Variants in RARB observed in about 807,000 individuals in gnomAD.
RARB encodes HBV-activated protein.
RARB carries 17 observed loss-of-function variants against 51.9 expected under a neutral mutation model. That is an observed-to-expected ratio of 0.33 (90% CI 0.22 to 0.49). The LOEUF (loss-of-function observed/expected upper bound fraction) is 0.49. Among genes scored for constraint, RARB ranks in the 20% least tolerant of loss-of-function variants. The probability of loss-of-function intolerance (pLI) is 0.99; values close to 1 mark genes in which losing one functional copy is unlikely to be tolerated. For missense variants in RARB, 369 were observed against 550.8 expected (o/e 0.67, Z 3.30); for synonymous variants, 215 against 195.4 (o/e 1.10, Z -0.84).
intron 4 of RARB, among the ~76,000 whole-genome samples, chr3:25,170,344 C>A (rs1700623597): frequency 1.3e-5 from 2 of 152,130 alleles, no homozygotes; most frequent in Admixed American, 6.5e-5. Context: ...ACGTCTAGAG[C>A]TGTGGCTCTC....
In RARB at chr3:25,468,868, G is replaced by A. The variant is rs369498121; in HGVS notation, c.306+7527G>A. ...TCTCTACATTTTGCCTTTGATGGGT[G>A]GAAACTTCCTATCCCTAAGCCAACC... On this transcript the variant is annotated intron_variant, in intron 2 of 7. Coordinates refer to ENST00000330688, the MANE Select transcript of RARB (RefSeq NM_000965.5). Among the ~76,000 whole-genome samples the A allele has an allele frequency of 1.4e-4, 21 of 152,296 alleles. 2 individuals are homozygous for A. In the South Asian group the frequency reaches 2.9e-3, roughly 21 times the overall value.
intron 4 of RARB, among the ~76,000 whole-genome samples, chr3:25,160,173 T>A (rs969102360): frequency 6.6e-6 from 1 of 152,224 alleles, no homozygotes; most frequent in African/African-American, 2.4e-5. Flanking sequence ...TCATATATTA[T>A]CTCTAGGCTC....
intron 5 of RARB, among the ~76,000 whole-genome samples, chr3:25,263,355 A>G (rs1330321982): frequency 6.6e-6 from 1 of 152,172 alleles, no homozygotes; most frequent in Non-Finnish European, 1.5e-5. Context: ...GGCATCGGGC[A>G]TTAAATAACT....
chr3:24,865,948 G>A lies in RARB; in HGVS notation c.-380+7196G>A, dbSNP rs544522483. On this transcript the variant is annotated intron_variant, in intron 2 of 11. Coordinates refer to the RARB transcript ENST00000383772. ...ATATAACGACATTTGGCCTGAATGTGCCACACAAATATTAAGTTGACCTCT... is the reference window on the plus strand; with the variant it reads ...ATATAACGACATTTGGCCTGAATGTACCACACAAATATTAAGTTGACCTCT... Among the ~76,000 whole-genome samples, 19 of 152,134 alleles carry A rather than the reference G, an allele frequency of 1.2e-4. No individual in the cohort carries two copies. The South Asian group carries it at 3.3e-3, about 27-fold the overall frequency.
intron 5 of RARB, among the ~76,000 whole-genome samples, chr3:25,405,266 C>T (rs924037997): frequency 6.6e-6 from 1 of 152,144 alleles, no homozygotes; most frequent in Non-Finnish European, 1.5e-5. Context: ...TGGCTGTAAT[C>T]CCAGCACTTT....
intron 3 of RARB, among the ~76,000 whole-genome samples, chr3:25,547,282 A>G (rs1169145986): frequency 6.6e-6 from 1 of 152,200 alleles, no homozygotes; most frequent in African/African-American, 2.4e-5. Flanking sequence ...AGGTAGAGAA[A>G]GAGGCCAGGA....
chr3:24,934,172 G>T (rs1695501224), intron 2 of RARB, among the ~76,000 whole-genome samples: 1 of 152,068 alleles, frequency 6.6e-6, no homozygotes, highest in Admixed American at 6.6e-5. Context: ...TGTGTCCTTG[G>T]TCCTAGCTAG....
chr3:25,304,275 C>G (rs957755468), intron 5 of RARB, among the ~76,000 whole-genome samples: 4 of 152,166 alleles, frequency 2.6e-5, no homozygotes, highest in African/African-American at 9.7e-5. Context: ...CTGCTAATCT[C>G]CTCTTTCTTT....
At chr3:25,332,686 C>T (rs543237931) in intron 5 of RARB, among the ~76,000 whole-genome samples, 2 of 152,208 alleles carry the variant, frequency 1.3e-5, no homozygotes, top group South Asian at 2.1e-4. Context: ...GGCAATCAGG[C>T]AGGAGAAAGA....
chr3:25,007,093 T>C (rs1451742217), intron 2 of RARB, among the ~76,000 whole-genome samples: 6 of 152,210 alleles, frequency 3.9e-5, no homozygotes, highest in African/African-American at 1.2e-4. Flanking sequence ...TGATTTATGC[T>C]TCAGACTTTT....
At chr3:25,555,321 A>T (rs1700013283) in intron 3 of RARB, among the ~76,000 whole-genome samples, 1 of 152,194 alleles carries the variant, frequency 6.6e-6, no homozygotes, top group Non-Finnish European at 1.5e-5. Flanking sequence ...CACACTTCAC[A>T]GTACAATGTC....
chr3:25,262,194 C>A (rs1251557422), intron 5 of RARB, among the ~76,000 whole-genome samples: 1 of 152,104 alleles, frequency 6.6e-6, no homozygotes, highest in Non-Finnish European at 1.5e-5. Context: ...TGGAACTTCA[C>A]CAAAAGGTCT....
chr3:25,341,044 A>C (rs540404865), intron 5 of RARB, among the ~76,000 whole-genome samples: 2 of 152,160 alleles, frequency 1.3e-5, no homozygotes, highest in Non-Finnish European at 1.5e-5. Context: ...ATCTGTGTTC[A>C]TTGGAAAGGA....
In RARB at chr3:25,393,445, A is replaced by G. The variant is rs185034007; in HGVS notation, c.179-67748A>G. ...GATTTCCTCTTTCTCTGTCTTTTGT[A>G]ATAGTTTCAATAGGATTGGTACCCA... On this transcript the variant is annotated intron_variant, in intron 5 of 11. Coordinates refer to the RARB transcript ENST00000383772. Among the ~76,000 whole-genome samples, 391 of 152,220 alleles carry G rather than the reference A, an allele frequency of 2.6e-3. 5 individuals are homozygous for G. Among genetic ancestry groups the G allele is most frequent in the African/African-American group, 8.9e-3 (370 of 41,568 alleles).
At chr3:25,033,252 T>C (rs2125291038) in intron 2 of RARB, among the ~76,000 whole-genome samples, 1 of 152,304 alleles carries the variant, frequency 6.6e-6, no homozygotes, top group Admixed American at 6.5e-5. Context: ...CACCAGAAAC[T>C]TACAAGCAAG....
Position 24,893,119 on chromosome 3 carries a change from A to C in RARB, c.-380+34367A>C, listed in dbSNP as rs113407075. 2.9e-3 allele frequency among the ~76,000 whole-genome samples: 441 copies of C among 152,348 alleles called. 1 individual carries two copies. Among genetic ancestry groups the C allele is most frequent in the Non-Finnish European group, 5.1e-3 (344 of 68,034 alleles). On this transcript the variant is annotated intron_variant, in intron 2 of 11. Coordinates refer to the RARB transcript ENST00000383772. The stretch of plus-strand genomic sequence containing the variant: ...AGGATCCTTTAAATGAACTCTAGTA[A>C]TGGTGGGACACCTGCTAATTGACAA...
At chr3:24,919,676 T>C (rs6774983) in intron 2 of RARB, among the ~76,000 whole-genome samples, 92,644 of 152,140 alleles carry the variant, frequency 0.61, 29,715 homozygotes, top group African/African-American at 0.81. Context: ...TAAGGTTTCT[T>C]TTTGAACAGT....
chr3:25,255,174 G>A (rs1317599397), intron 5 of RARB, among the ~76,000 whole-genome samples: 4 of 152,160 alleles, frequency 2.6e-5, no homozygotes, highest in African/African-American at 9.7e-5. Flanking sequence ...CTCTCATGCA[G>A]TCTTCCCCCA....
intron 3 of RARB, among the ~76,000 whole-genome samples, chr3:25,553,508 A>G (rs1156340242): frequency 1.3e-5 from 2 of 152,204 alleles, no homozygotes; most frequent in Non-Finnish European, 2.9e-5. Context: ...GATGCTTATA[A>G]AGGAAGAATT....
Sources: allele counts gnomAD v4.1 joint callset (sites outside exome capture counted in the v4.1 genomes callset), GRCh38; gene constraint gnomAD v4.1.1; transcripts MANE v1.5; gene names NCBI Gene and HGNC (gene_info 2026-07-23, HGNC 2026-07-21).